TOGARAM2: variants seen among roughly 807,000 people sequenced by gnomAD.
The protein encoded by TOGARAM2 is TOG array regulator of axonemal microtubules 2, also known as TOG array regulator of axonemal microtubules protein 2.
TOGARAM2 carries 85 observed loss-of-function variants against 93.3 expected under a neutral mutation model. That is an observed-to-expected ratio of 0.91 (90% CI 0.76 to 1.09). The LOEUF is 1.09. TOGARAM2 is among the 50% of genes least tolerant of loss of function. TOGARAM2 has a pLI of 0.00. For missense variants in TOGARAM2, 1,277 were observed against 1,334.5 expected, an observed-to-expected ratio of 0.96 and a Z score of 0.67; for synonymous variants, 593 against 552.8, an observed-to-expected ratio of 1.07 and a Z score of -1.02.
chr2:29,010,848 A>G (rs1284888592), intron 6 of TOGARAM2, among the ~76,000 whole-genome samples: 2 of 152,168 alleles, frequency 1.3e-5, no homozygotes, highest in African/African-American at 4.8e-5. Flanking sequence ...AACTTAAGAA[A>G]TTACAATTAA....
At chr2:29,039,792 A>G (rs1168291579) in intron 18 of TOGARAM2, among the ~76,000 whole-genome samples, 1 of 152,220 alleles carries the variant, frequency 6.6e-6, no homozygotes, top group East Asian at 1.9e-4. Context: ...TTCTGGGATC[A>G]AGGAAGTTCC....
intron 15 of TOGARAM2, 27 bp downstream of exon 15, chr2:29,033,078 T>C (rs1358708951): frequency 9.4e-6 from 15 of 1,590,694 alleles, no homozygotes; most frequent in Middle Eastern, 3.3e-4. Context: ...AAGTGGGTCA[T>C]GGCCTTTTGG....
chr2:29,050,839 C>T (rs1572808815), intron 19 of TOGARAM2: 1 of 152,276 alleles, frequency 6.6e-6, no homozygotes, highest in Admixed American at 6.5e-5. Flanking sequence ...CAGGAGAGCC[C>T]TTGATGTGGT....
intron 18 of TOGARAM2, among the ~76,000 whole-genome samples, chr2:29,044,000 C>T (rs1333117019): frequency 6.6e-6 from 1 of 152,224 alleles, no homozygotes. Context: ...AATGTCCCCA[C>T]CCCATTTGCT....
chr2:28,980,973 ACT>A (rs887386468), upstream of TOGARAM2, among the ~76,000 whole-genome samples: 11 of 152,172 alleles, frequency 7.2e-5, no homozygotes, highest in Non-Finnish European at 1.5e-4. Context: ...CTGGATGCTC[ACT>A]CTGTCTTTCT....
chr2:29,021,748 A>G (rs1056687751), intron 10 of TOGARAM2, among the ~76,000 whole-genome samples: 8 of 152,154 alleles, frequency 5.3e-5, no homozygotes, highest in Non-Finnish European at 1.0e-4. Flanking sequence ...CTGGTTGGGA[A>G]TGAGGTTAGA....
chr2:28,967,786 A>T (rs1671887181), intron 1 of TOGARAM2, among the ~76,000 whole-genome samples: 1 of 149,786 alleles, frequency 6.7e-6, no homozygotes, highest in Non-Finnish European at 1.5e-5. Context: ...CATGAAGATG[A>T]AATAAGATGG....
intron 1 of TOGARAM2, chr2:28,971,124 G>A (rs1671942871): frequency 6.6e-6 from 1 of 152,236 alleles, no homozygotes; most frequent in Non-Finnish European, 1.5e-5. Context: ...GGTATGGAGT[G>A]GGAATCTCTG....
At chr2:28,992,678 C>G (rs1388696355) in intron 1 of TOGARAM2, among the ~76,000 whole-genome samples, 1 of 152,046 alleles carries the variant, frequency 6.6e-6, no homozygotes, top group Admixed American at 6.5e-5. Flanking sequence ...ATTCTGACAG[C>G]CTAGGGTAAG....
Position 29,026,948 on chromosome 2 carries a change from A to G in TOGARAM2, c.1949A>G (p.Asp650Gly). 4 of 1,572,936 alleles carry G rather than the reference A, an allele frequency of 2.5e-6. No homozygotes were observed. The highest frequency in any genetic ancestry group is 1.7e-6 in the Non-Finnish European group (2 of 1,159,054). Residue 650 changes from aspartate to glycine, a missense_variant, in exon 14 of 20, where the codon GAC becomes GGC. By Grantham distance (94) the Asp-to-Gly change is moderately conservative (BLOSUM62 -1). Transcript: ENST00000379558. Reference protein sequence around the residue: ...GAEKLLSGTRDSTDMLVHNLV... With the variant: ...GAEKLLSGTRGSTDMLVHNLV... Reference sequence around the variant, plus strand: ...GAGAAGCTTCTCTCGGGCACCAGAGACAGCACAGACATGTTGGTGCACAAC... The same window carrying G: ...GAGAAGCTTCTCTCGGGCACCAGAGGCAGCACAGACATGTTGGTGCACAAC...
intron 1 of TOGARAM2, among the ~76,000 whole-genome samples, chr2:28,962,508 C>T (rs1032404514): frequency 5.3e-5 from 8 of 152,112 alleles, no homozygotes; most frequent in African/African-American, 1.2e-4. Flanking sequence ...TTTCCAATGA[C>T]GGATCCTCCA....
At chr2:28,962,141 T>A (rs1671811444) in intron 1 of TOGARAM2, among the ~76,000 whole-genome samples, 1 of 152,034 alleles carries the variant, frequency 6.6e-6, no homozygotes, top group South Asian at 2.1e-4. Flanking sequence ...TTGGAGAATT[T>A]GCGGATATTG....
intron 4 of TOGARAM2, among the ~76,000 whole-genome samples, chr2:29,000,189 GT>G (rs1673212088): frequency 6.6e-6 from 1 of 152,202 alleles, no homozygotes; most frequent in Non-Finnish European, 1.5e-5. Context: ...CAAGAGGGCA[GT>G]GACTGAGATC....
At chr2:29,018,020 G>A (rs1051685872) in intron 10 of TOGARAM2, 64 bp downstream of exon 10, 4 of 1,500,968 alleles carry the variant, frequency 2.7e-6, no homozygotes, top group Admixed American at 4.3e-5. Context: ...GATGCCCTGA[G>A]GCATGGCAGA....
chr2:29,021,636 C>T (rs906419835), intron 10 of TOGARAM2, among the ~76,000 whole-genome samples: 2 of 152,202 alleles, frequency 1.3e-5, no homozygotes, highest in African/African-American at 4.8e-5. Flanking sequence ...GCTACATTGT[C>T]TTCCTCTAGC....
chr2:29,004,064 C>G (rs1248708037), intron 6 of TOGARAM2, among the ~76,000 whole-genome samples: 1 of 152,174 alleles, frequency 6.6e-6, no homozygotes, highest in Admixed American at 6.5e-5. Flanking sequence ...GGTGTGATCT[C>G]AACTCACTGC....
intron 18 of TOGARAM2, among the ~76,000 whole-genome samples, chr2:29,042,623 C>T (rs1190314979): frequency 1.3e-5 from 2 of 152,220 alleles, no homozygotes; most frequent in Non-Finnish European, 2.9e-5. Flanking sequence ...ACCATCTGCC[C>T]TGTCTCAGCT....
intron 8 of TOGARAM2, among the ~76,000 whole-genome samples, chr2:29,016,778 G>T (rs534134968): frequency 2.0e-5 from 3 of 152,076 alleles, no homozygotes; most frequent in African/African-American, 7.2e-5. Context: ...AAGCACACCC[G>T]GCCTCAGAGC....
At chr2:29,009,552 G>T (rs1409993069) in intron 6 of TOGARAM2, among the ~76,000 whole-genome samples, 1 of 151,466 alleles carries the variant, frequency 6.6e-6, no homozygotes, top group Non-Finnish European at 1.5e-5. Context: ...GGGATGAATG[G>T]CAGGGCTAAG....
Sources: gnomAD v4.1 joint callset for allele counts (sites outside exome capture counted in the v4.1 genomes callset) on GRCh38, gnomAD v4.1.1 for gene constraint, MANE v1.5 for transcripts, NCBI Gene and HGNC (gene_info 2026-07-23, HGNC 2026-07-21) for gene names.